APBA2: variants seen among roughly 807,000 people sequenced by gnomAD.
APBA2 encodes amyloid beta precursor protein binding family A member 2, also known as amyloid-beta A4 precursor protein-binding family A member 2.
Under a neutral mutation model 75.0 loss-of-function variants are expected in APBA2, and 30 were observed. The observed-to-expected ratio is 0.40, with a 90% CI of 0.30 to 0.54. The LOEUF is 0.54. APBA2 is among the 20% of genes least tolerant of loss of function. The pLI, the probability that APBA2 is intolerant of heterozygous loss-of-function variation, is 0.49. For synonymous variants in APBA2, 444 were observed against 409.6 expected, an observed-to-expected ratio of 1.08 and a Z score of -1.01; for missense variants, 801 against 1,016.1, an observed-to-expected ratio of 0.79 and a Z score of 2.88.
rs1436510043 is a variant in APBA2, at chr15:28,886,115, G to A, written c.-368G>A. 2 of 149,946 alleles carry A rather than the reference G, an allele frequency of 1.3e-5. No individual in the cohort carries two copies. The highest frequency in any genetic ancestry group is 3.0e-5 in the Non-Finnish European group (2 of 67,272). The allele number at this position is 149,946 out of a possible 1,614,324, so 9.3% of individuals were successfully genotyped here. ...CCTGCGTGCCGTACGCTGCGTCCGGGGCGCGCCCGCCGCTATTCGGGAAGC... is the reference window on the plus strand; with the variant it reads ...CCTGCGTGCCGTACGCTGCGTCCGGAGCGCGCCCGCCGCTATTCGGGAAGC... On this transcript the variant is annotated 5_prime_UTR_variant, in exon 1 of 15. Transcript: ENST00000683413.
chr15:29,032,835 G>A (rs1209075092), intron 3 of APBA2, among the ~76,000 whole-genome samples: 3 of 152,134 alleles, frequency 2.0e-5, no homozygotes, highest in Non-Finnish European at 2.9e-5. Context: ...ACCAGATCCC[G>A]GATCCTTTCT....
In APBA2 at chr15:28,996,342, GCCT is replaced by G. The variant is rs371925037; in HGVS notation, c.-41+541_-41+543del. ...AGAAATCTAACTTTGATAAAAAGAG[GCCT>G]CCTCATCTTGCCAGGGATGGAGCGT... On this transcript the variant is annotated intron_variant, in intron 3 of 14. Coordinates refer to ENST00000683413, the MANE Select transcript of APBA2 (RefSeq NM_001353788.2). Among the ~76,000 whole-genome samples, 525 of 152,266 alleles carry G rather than the reference GCCT, an allele frequency of 3.4e-3. 3 individuals carry two copies. Among genetic ancestry groups the G allele is most frequent in the Middle Eastern group, 0.01 (3 of 294 alleles).
intron 13 of APBA2, among the ~76,000 whole-genome samples, chr15:29,112,448 C>T (rs1351051854): frequency 3.3e-5 from 5 of 152,184 alleles, no homozygotes; most frequent in Admixed American, 3.3e-4. Context: ...TTGTCTGTGT[C>T]TGCATGTGTG....
intron 3 of APBA2, among the ~76,000 whole-genome samples, chr15:29,011,028 C>G (rs867911496): frequency 6.6e-6 from 1 of 152,164 alleles, no homozygotes; most frequent in Non-Finnish European, 1.5e-5. Flanking sequence ...TTGCCCCAGC[C>G]TCTGGGAGCC....
chr15:28,962,265 T>C (rs907035241), intron 2 of APBA2, among the ~76,000 whole-genome samples: 2 of 152,204 alleles, frequency 1.3e-5, no homozygotes, highest in African/African-American at 4.8e-5. Context: ...ATTGTATATA[T>C]TTTTTAATAA....
Position 29,074,912 on chromosome 15 carries a change from C to G in APBA2, c.952-9C>G. 2.5e-6 allele frequency: 4 copies of G among 1,613,708 alleles called. No individual in the cohort carries two copies. The highest frequency in any genetic ancestry group is 1.1e-5 in the South Asian group (1 of 91,050). On this transcript the variant is annotated splice_polypyrimidine_tract_variant and intron_variant, in intron 4 of 14. Transcript: ENST00000683413. ...ATAAAATCACGATCTTTAACTTCCCCGTTTCCAGGTTTGCAATGGTCTGGA... is the reference window on the plus strand; with the variant it reads ...ATAAAATCACGATCTTTAACTTCCCGGTTTCCAGGTTTGCAATGGTCTGGA...
chr15:29,101,510 G>T (rs2044121489), intron 9 of APBA2, 89 bp from the exon 10 acceptor site: 2 of 1,455,834 alleles, frequency 1.4e-6, no homozygotes, highest in African/African-American at 2.8e-5. Flanking sequence ...AGGATTACAG[G>T]CTTGAGCCAC....
At chr15:29,093,476 C>T (rs1181483027) in intron 7 of APBA2, among the ~76,000 whole-genome samples, 2 of 152,344 alleles carry the variant, frequency 1.3e-5, no homozygotes, top group African/African-American at 2.4e-5. Flanking sequence ...TAAAGATCAT[C>T]GTTCCAAAGC....
At chr15:28,957,403 G>A (rs958322292) in intron 2 of APBA2, among the ~76,000 whole-genome samples, 5 of 152,002 alleles carry the variant, frequency 3.3e-5, no homozygotes, top group South Asian at 2.1e-4. Flanking sequence ...CACTTCCTTC[G>A]GGCATACCCC....
At chr15:28,946,588 C>A (rs957800492) in intron 2 of APBA2, among the ~76,000 whole-genome samples, 2 of 151,832 alleles carry the variant, frequency 1.3e-5, no homozygotes, top group Non-Finnish European at 2.9e-5. Context: ...CTTTTCTTTT[C>A]TTTTTTTTGA....
intron 2 of APBA2, among the ~76,000 whole-genome samples, chr15:28,943,538 T>C (rs1013237074): frequency 1.3e-5 from 2 of 152,252 alleles, no homozygotes; most frequent in African/African-American, 4.8e-5. Context: ...ACCAAGGCTC[T>C]GAGGGAGGCT....
intron 2 of APBA2, among the ~76,000 whole-genome samples, chr15:28,993,194 C>G (rs1441759285): frequency 6.6e-6 from 1 of 152,178 alleles, no homozygotes; most frequent in Non-Finnish European, 1.5e-5. Context: ...GAGTCAGCTG[C>G]CCCCAGGGAC....
chr15:29,104,452 C>G (rs2044296737), intron 10 of APBA2, among the ~76,000 whole-genome samples: 2 of 152,266 alleles, frequency 1.3e-5, no homozygotes, highest in African/African-American at 4.8e-5. Context: ...TGTCTCCTGT[C>G]TGCGCACCAG....
chr15:29,089,276 G>A (rs985639156), intron 6 of APBA2, among the ~76,000 whole-genome samples: 4 of 152,208 alleles, frequency 2.6e-5, no homozygotes, highest in African/African-American at 4.8e-5. Context: ...CACTTAGATG[G>A]TCCTTATTTG....
At chr15:28,996,904 C>T (rs1049307429) in intron 3 of APBA2, among the ~76,000 whole-genome samples, 13 of 152,144 alleles carry the variant, frequency 8.5e-5, no homozygotes, top group African/African-American at 2.2e-4. Context: ...TGTGAGGGGA[C>T]GGATGAAGAC....
At chr15:29,057,671 G>A (rs751004726) in intron 4 of APBA2, among the ~76,000 whole-genome samples, 6 of 152,126 alleles carry the variant, frequency 3.9e-5, no homozygotes, top group Admixed American at 1.3e-4. Flanking sequence ...ATGATTATTT[G>A]TAGTGACCTT....
chr15:28,892,265 C>T (rs893161821), intron 1 of APBA2, among the ~76,000 whole-genome samples: 6 of 151,968 alleles, frequency 3.9e-5, no homozygotes, highest in South Asian at 2.1e-4. Context: ...TTAGTAGAGA[C>T]GGGGTTTCAC....
chr15:28,894,678 T>C (rs1345535549), intron 1 of APBA2, among the ~76,000 whole-genome samples: 2 of 152,158 alleles, frequency 1.3e-5, no homozygotes, highest in Non-Finnish European at 2.9e-5. Context: ...GAGTCCTTGC[T>C]GTGGGTTGGG....
chr15:29,080,401 G>C (rs892708978), intron 6 of APBA2, among the ~76,000 whole-genome samples: 2 of 152,110 alleles, frequency 1.3e-5, no homozygotes, highest in African/African-American at 4.8e-5. Flanking sequence ...AGAGTTCAGT[G>C]GAGGGGAGCG....
Sources: gnomAD v4.1 joint callset for allele counts (sites outside exome capture counted in the v4.1 genomes callset) on GRCh38, gnomAD v4.1.1 for gene constraint, MANE v1.5 for transcripts, NCBI Gene and HGNC (gene_info 2026-07-23, HGNC 2026-07-21) for gene names.